Variants in ALK observed in about 807,000 individuals in gnomAD.
The protein encoded by ALK is ALK tyrosine kinase receptor.
Under a neutral mutation model 163.1 loss-of-function variants are expected in ALK, and 74 were observed. The observed-to-expected ratio is 0.45, with a 90% CI of 0.38 to 0.55. ALK has a LOEUF of 0.55. Ranked by LOEUF, ALK falls within the 20% of genes least tolerant of loss-of-function variation. The pLI is 0.00. For synonymous variants in ALK, 960 were observed against 843.2 expected, an observed-to-expected ratio of 1.14 and a Z score of -2.40; for missense variants, 2,063 against 2,105.3, an observed-to-expected ratio of 0.98 and a Z score of 0.39.
intron 3 of ALK, among the ~76,000 whole-genome samples, chr2:29,549,160 ACG>A (rs1491168318): frequency 8.8e-5 from 13 of 147,912 alleles, no homozygotes; most frequent in Non-Finnish European, 1.8e-4. Flanking sequence ...ACACACACAC[ACG>A]CACACACACA....
chr2:29,671,776 A>C (rs1353498772), intron 3 of ALK, among the ~76,000 whole-genome samples: 1 of 152,048 alleles, frequency 6.6e-6, no homozygotes, highest in Non-Finnish European at 1.5e-5. Context: ...TGAAAATCTC[A>C]GTGCTTTGGT....
At chr2:29,247,521 G>A (rs931428453) in intron 12 of ALK, among the ~76,000 whole-genome samples, 2 of 152,228 alleles carry the variant, frequency 1.3e-5, no homozygotes, top group East Asian at 1.9e-4. Context: ...CCAGCCTGCT[G>A]TCTTCTCCTG....
chr2:29,194,564 A>C (rs1257073034), intron 28 of ALK, among the ~76,000 whole-genome samples: 1 of 152,144 alleles, frequency 6.6e-6, no homozygotes, highest in Non-Finnish European at 1.5e-5. Flanking sequence ...CCATGGCTCA[A>C]TCTTGGCTCA....
chr2:29,537,069 G>C (rs1160750362), intron 3 of ALK, among the ~76,000 whole-genome samples: 2 of 152,220 alleles, frequency 1.3e-5, no homozygotes, highest in Non-Finnish European at 2.9e-5. Context: ...CAGAGCGTAA[G>C]GGTTTGGAAA....
chr2:29,523,122 C>G (rs543396699), intron 4 of ALK, among the ~76,000 whole-genome samples: 2 of 152,096 alleles, frequency 1.3e-5, no homozygotes, highest in Admixed American at 1.3e-4. Flanking sequence ...GAACCCCGGG[C>G]AGGAGGGGGA....
At chr2:29,875,402 C>CT (rs995600335) in intron 1 of ALK, among the ~76,000 whole-genome samples, 2 of 152,094 alleles carry the variant, frequency 1.3e-5, no homozygotes, top group Non-Finnish European at 2.9e-5. Context: ...TAAAATATTT[C>CT]TTTTTTTACC....
chr2:29,737,563 A>G (rs1223220642), intron 1 of ALK, among the ~76,000 whole-genome samples: 1 of 147,402 alleles, frequency 6.8e-6, no homozygotes, highest in African/African-American at 2.7e-5. Flanking sequence ...TATGGGCAGC[A>G]GTGACTGCTC....
chr2:29,682,370 T>C (rs1289179839), intron 3 of ALK, among the ~76,000 whole-genome samples: 2 of 152,178 alleles, frequency 1.3e-5, no homozygotes, highest in African/African-American at 4.8e-5. Flanking sequence ...ATTATTTTGA[T>C]GACTCTTTTT....
intron 1 of ALK, among the ~76,000 whole-genome samples, chr2:29,750,619 C>T (rs1421106658): frequency 3.5e-5 from 4 of 115,260 alleles, no homozygotes; most frequent in East Asian, 2.7e-4. Context: ...TGGAGTGTAA[C>T]GGAACAGAAT....
intron 12 of ALK, among the ~76,000 whole-genome samples, chr2:29,242,426 C>T (rs1399197778): frequency 2.0e-5 from 3 of 152,194 alleles, no homozygotes; most frequent in Non-Finnish European, 4.4e-5. Context: ...TGAACTCTTT[C>T]GTATGTTTAA....
At chr2:29,444,553 G>C (rs887230926) in intron 4 of ALK, among the ~76,000 whole-genome samples, 2 of 152,096 alleles carry the variant, frequency 1.3e-5, no homozygotes, top group African/African-American at 4.8e-5. Context: ...GGCCCTGGGT[G>C]CTTTTGCCAT....
In ALK at chr2:29,223,451, G is replaced by A. The variant is rs768123237; in HGVS notation, c.3250C>T (p.Arg1084Cys). ...QSPEYKLSKL[R>C]TSTIMTDYNP... ...TAGTCGGTCATGATGGTCGAGGTGCGGAGCTTGCTCAGCTTGTACTCAGGG... is the reference window on the plus strand; with the variant it reads ...TAGTCGGTCATGATGGTCGAGGTGCAGAGCTTGCTCAGCTTGTACTCAGGG... The change falls in exon 20 of 29, where the codon CGC (arginine) becomes TGC (cysteine). Residue 1084 changes from arginine to cysteine, a missense_variant. This residue lies in a region of ALK where 575 missense variants were observed against 626.6 expected (regional missense o/e 0.92). Coordinates refer to ENST00000389048, the MANE Select transcript of ALK (RefSeq NM_004304.5). 3.2e-5 allele frequency: 52 copies of A among 1,614,048 alleles called. No homozygotes were observed. The highest frequency in any genetic ancestry group is 4.1e-5 in the Non-Finnish European group (48 of 1,180,024).
At chr2:29,394,508 A>G (rs2148310219) in intron 4 of ALK, among the ~76,000 whole-genome samples, 1 of 152,312 alleles carries the variant, frequency 6.6e-6, no homozygotes, top group Admixed American at 6.5e-5. Flanking sequence ...GGAGGGACCC[A>G]GCTGAATTCT....
In ALK at chr2:29,920,289, G is replaced by A. The variant is rs2148443409; in HGVS notation, c.371C>T (p.Ser124Phe). The change falls in exon 1 of 29, where the codon TCC becomes TTC. Residue 124 changes from serine (S) to phenylalanine (F), a missense_variant. Ser to Phe is a radical substitution (Grantham distance 155, BLOSUM62 -2). Around this residue, in one of 5 missense-constraint regions of ALK, gnomAD observed 987 missense variants for 939.5 expected, o/e 1.05. Coordinates refer to ENST00000389048, the MANE Select transcript of ALK (RefSeq NM_004304.5). ...CACGGAGCCGCCCTTCAGCACCCTG[G>A]ACAGCGTCCGGGCCTCTGCCGGGGC... ...SPAPAEARTL[S>F]RVLKGGSVRK... 1.9e-6 allele frequency: 3 copies of A among 1,574,308 alleles called. No homozygotes were observed. The highest frequency in any genetic ancestry group is 2.6e-6 in the Non-Finnish European group (3 of 1,161,100).
chr2:29,889,437 A>G (rs1414725022), intron 1 of ALK, among the ~76,000 whole-genome samples: 1 of 152,142 alleles, frequency 6.6e-6, no homozygotes, highest in African/African-American at 2.4e-5. Flanking sequence ...CTAGATTATC[A>G]GGTGTTATAA....
intron 5 of ALK, among the ~76,000 whole-genome samples, chr2:29,333,782 G>A (rs1047173890): frequency 2.6e-5 from 4 of 152,018 alleles, no homozygotes; most frequent in Non-Finnish European, 4.4e-5. Context: ...ATGCCTGGCT[G>A]CCTTTTTTTT....
At chr2:29,209,720 C>A in intron 25 of ALK, 66 bp downstream of exon 25, 2 of 1,190,902 alleles carry the variant, frequency 1.7e-6, no homozygotes, top group South Asian at 2.5e-5. Context: ...CAAGCAGCCA[C>A]ACCCCATTCT....
At chr2:29,197,856 G>A (rs1364381102) in intron 26 of ALK, among the ~76,000 whole-genome samples, 180 bp from the exon 27 acceptor site, 1 of 152,066 alleles carries the variant, frequency 6.6e-6, no homozygotes, top group Non-Finnish European at 1.5e-5. Context: ...TACACATGAT[G>A]CTCCCTTAAA....
chr2:29,317,734 C>G (rs2148247349), intron 8 of ALK, among the ~76,000 whole-genome samples: 1 of 152,310 alleles, frequency 6.6e-6, no homozygotes, highest in East Asian at 1.9e-4. Context: ...AGCTTAATCA[C>G]TGTACCATGC....
Sources: allele counts gnomAD v4.1 joint callset (sites outside exome capture counted in the v4.1 genomes callset), GRCh38; gene constraint gnomAD v4.1.1; regional missense constraint gnomAD v4.1.1; transcripts MANE v1.5; gene names NCBI Gene and HGNC (gene_info 2026-07-23, HGNC 2026-07-21).